Variants in UQCRB observed in about 807,000 individuals in gnomAD.
UQCRB encodes the protein cytochrome b-c1 complex subunit 7.
In UQCRB, 12 loss-of-function variants were observed where a neutral mutation model predicts 19.8. The ratio of observed to expected loss-of-function variants is 0.61; its 90% CI spans 0.39 to 0.98. The LOEUF is 0.98. Ranked by LOEUF, UQCRB falls within the 50% of genes least tolerant of loss-of-function variation. The probability of loss-of-function intolerance (pLI) is 0.00; values close to 1 mark genes in which losing one functional copy is unlikely to be tolerated. For synonymous variants in UQCRB, 39 were observed against 42.9 expected, an observed-to-expected ratio of 0.91 and a Z score of 0.35; for missense variants, 142 against 131.8, an observed-to-expected ratio of 1.08 and a Z score of -0.38.
At chr8:96,231,159 T>C (rs2129803762) in intron 3 of UQCRB, 27 bp from the exon 4 acceptor site, 1 of 1,614,112 alleles carries the variant, frequency 6.2e-7, no homozygotes, top group Non-Finnish European at 8.5e-7. Context: ...ATATTATATG[T>C]TACCATCACG....
In UQCRB at chr8:96,230,505, A is replaced by ATGAT. The variant is rs1274769148; in HGVS notation, c.*546_*549dup. 2.2e-6 allele frequency: 1 copy of ATGAT among 454,100 alleles called. No individual in the cohort carries two copies. Among genetic ancestry groups the ATGAT allele is most frequent in the Non-Finnish European group, 4.4e-6 (1 of 226,796 alleles). The allele number at this position is 454,100 out of a possible 1,614,324, so 28.1% of individuals were successfully genotyped here. On this transcript the variant is annotated 3_prime_UTR_variant, in exon 4 of 4. Coordinates refer to ENST00000287022, the MANE Select transcript of UQCRB (RefSeq NM_006294.5). Reference sequence around the variant, plus strand: ...AAAGTCACTGGGATATGGGGACAGTATGATTTGTCTTTATACTTTTATTTT... The same window carrying ATGAT: ...AAAGTCACTGGGATATGGGGACAGTATGATTGATTTGTCTTTATACTTTTATTTT...
chr8:96,231,775 T>G lies in UQCRB; in HGVS notation c.257A>C (p.Glu86Ala). The G allele has an allele frequency of 6.2e-7, 1 of 1,614,200 alleles. No homozygotes were observed. The highest frequency in any genetic ancestry group is 8.5e-7 in the Non-Finnish European group (1 of 1,180,026). Reference protein sequence around the residue: ...LPKEQWTKYEEENFYLEPYLK... With the variant: ...LPKEQWTKYEAENFYLEPYLK... ...GTCAGGTAGATAAAGCTGTGCTACC[T>G]CTTCATATTTGGTCCACTGCTCTTT... Residue 86 changes from glutamate (E) to alanine (A), a missense_variant and splice_region_variant, in exon 3 of 4, where the codon GAG becomes GCG. By Grantham distance (107) the Glu-to-Ala change is moderately radical. This residue lies in a region of UQCRB where 132 missense variants were observed against 107.5 expected (regional missense o/e 1.23). Transcript: ENST00000287022.
Position 96,225,269 on chromosome 8 carries a change from A to T in UQCRB, c.*5786T>A, listed in dbSNP as rs1809507805. On this transcript the variant is annotated 3_prime_UTR_variant, in exon 4 of 4. Coordinates refer to ENST00000287022, the MANE Select transcript of UQCRB (RefSeq NM_006294.5). ...CAAGAAATGCAAGTTTAAACAAGAAACTCTCCAACCAAATTCACAAAGATT... is the reference window on the plus strand; with the variant it reads ...CAAGAAATGCAAGTTTAAACAAGAATCTCTCCAACCAAATTCACAAAGATT... 6.6e-6 allele frequency among the ~76,000 whole-genome samples: 1 copy of T among 152,114 alleles called. No individual in the cohort carries two copies. The highest frequency in any genetic ancestry group is 2.4e-5 in the African/African-American group (1 of 41,446).
In UQCRB at chr8:96,234,656, G is replaced by A. The variant is rs117214996; in HGVS notation, c.19+856C>T. On this transcript the variant is annotated intron_variant, in intron 1 of 3. Transcript: ENST00000287022. ...GTTTCCTAACAGCTTCACAATTGCTGGGGGCGGGGAGAAAAGGATCAACAT... is the reference window on the plus strand; with the variant it reads ...GTTTCCTAACAGCTTCACAATTGCTAGGGGCGGGGAGAAAAGGATCAACAT... The A allele has an allele frequency of 6.1e-3, 2,925 of 479,768 alleles. 51 individuals carry two copies. The highest frequency in any genetic ancestry group is 0.029 in the East Asian group (417 of 14,270). 29.7% of individuals were successfully genotyped at this position (479,768 alleles called of 1,614,324 possible). A position where few individuals can be genotyped will look rare whatever the true frequency, so the allele number is the denominator to read the frequency against.
chr8:96,231,629 G>T, intron 3 of UQCRB, 145 bp downstream of exon 3: 1 of 1,383,144 alleles, frequency 7.2e-7, no homozygotes, highest in Non-Finnish European at 1.0e-6. Flanking sequence ...CTTCTAAAAC[G>T]GAAATAACAT....
At position 96,230,564 on chromosome 8, in the gene UQCRB, A is replaced by G. The variant is rs745924627; in HGVS notation, c.*491T>C. On this transcript the variant is annotated 3_prime_UTR_variant, in exon 4 of 4. Transcript: ENST00000287022. ...CTTTTTGTTTTCTAGTATACATGTT[A>G]GCACAGGAGTATGTATATTACTTAA... 2 of 454,264 alleles carry G rather than the reference A, an allele frequency of 4.4e-6. No homozygotes were observed. Among genetic ancestry groups the G allele is most frequent in the Non-Finnish European group, 8.8e-6 (2 of 226,978 alleles). The allele number at this position is 454,264 out of a possible 1,614,324, so 28.1% of individuals were successfully genotyped here.
chr8:96,229,429 T>C lies in UQCRB; in HGVS notation c.*1626A>G. On this transcript the variant is annotated 3_prime_UTR_variant, in exon 4 of 4. Coordinates refer to ENST00000287022, the MANE Select transcript of UQCRB (RefSeq NM_006294.5). ...GGCTCCCTACACACCTTGACAGTGCTCTTTGAGATGCCTCAGTTGTAGTCT... is the reference window on the plus strand; with the variant it reads ...GGCTCCCTACACACCTTGACAGTGCCCTTTGAGATGCCTCAGTTGTAGTCT... The C allele has an allele frequency of 2.2e-6, 1 of 454,114 alleles. No homozygotes were observed. The highest frequency in any genetic ancestry group is 1.6e-5 in the South Asian group (1 of 64,480). The allele number at this position is 454,114 out of a possible 1,614,324, so 28.1% of individuals were successfully genotyped here.
Position 96,227,267 on chromosome 8 carries a change from G to A in UQCRB, c.*3788C>T, listed in dbSNP as rs895757014. The stretch of plus-strand genomic sequence containing the variant: ...CATTACATCAGTATATAGCTTAGTA[G>A]TAAATTCTCCTGATGGCCATAAACC... On this transcript the variant is annotated 3_prime_UTR_variant, in exon 4 of 4. Coordinates refer to ENST00000287022, the MANE Select transcript of UQCRB (RefSeq NM_006294.5). The A allele has an allele frequency of 4.4e-6, 2 of 453,916 alleles. No individual in the cohort carries two copies. The highest frequency in any genetic ancestry group is 8.8e-6 in the Non-Finnish European group (2 of 226,768). 28.1% of individuals were successfully genotyped at this position (453,916 alleles called of 1,614,324 possible). A position where few individuals can be genotyped will look rare whatever the true frequency, so the allele number is the denominator to read the frequency against.
chr8:96,227,000 GT>G lies in UQCRB; in HGVS notation c.*4054del, dbSNP rs1438165819. On this transcript the variant is annotated 3_prime_UTR_variant, in exon 4 of 4. Transcript: ENST00000287022. ...GACCTGAGATCTCAGATTCTAACAT[GT>G]TATGGCTTTTAATATGAACGCCAGT... 2.2e-6 allele frequency: 1 copy of G among 453,986 alleles called. No homozygotes were observed. Among genetic ancestry groups the G allele is most frequent in the Non-Finnish European group, 4.4e-6 (1 of 226,766 alleles). The allele number at this position is 453,986 out of a possible 1,614,324, so 28.1% of individuals were successfully genotyped here.
chr8:96,229,120 T>C lies in UQCRB; in HGVS notation c.*1935A>G, dbSNP rs114283222. ...CATTGATCTAGTGTTCAAAGAACTT[T>C]TGCACACTTGTTCTCATTTAGAAGA... On this transcript the variant is annotated 3_prime_UTR_variant, in exon 4 of 4. Coordinates refer to ENST00000287022, the MANE Select transcript of UQCRB (RefSeq NM_006294.5). 2,483 of 454,070 alleles carry C rather than the reference T, an allele frequency of 5.5e-3. 53 individuals are homozygous for C. Among genetic ancestry groups the C allele is most frequent in the African/African-American group, 0.045 (2,273 of 50,118 alleles). The allele number at this position is 454,070 out of a possible 1,614,324, so 28.1% of individuals were successfully genotyped here.
At chr8:96,235,340 G>C (rs1215659258) in intron 1 of UQCRB, 172 bp downstream of exon 1, 7 of 992,314 alleles carry the variant, frequency 7.1e-6, no homozygotes, top group Non-Finnish European at 1.1e-5. Context: ...AGCCCGCCCT[G>C]GGGACAGCAA....
chr8:96,223,737 TG>T lies in UQCRB; in HGVS notation c.*7317del, dbSNP rs1324496681. Among the ~76,000 whole-genome samples the T allele has an allele frequency of 1.3e-5, 2 of 152,288 alleles. No individual in the cohort carries two copies. The highest frequency in any genetic ancestry group is 3.9e-4 in the East Asian group (2 of 5,186). On this transcript the variant is annotated 3_prime_UTR_variant, in exon 4 of 4. Transcript: ENST00000287022. The stretch of plus-strand genomic sequence containing the variant: ...GAGGTAGAATTTTGCAGAATGTGTT[TG>T]GGGAAGAGGGAGTTAAAACAGGAGG...
intron 2 of UQCRB, 154 bp from the exon 3 acceptor site, chr8:96,232,094 C>T (rs1330703511): frequency 4.1e-6 from 3 of 733,130 alleles, no homozygotes; most frequent in African/African-American, 3.5e-5. Flanking sequence ...GCATTTCATA[C>T]ATTATAGGTT....
Position 96,224,651 on chromosome 8 carries a change from C to T in UQCRB, c.*6404G>A, listed in dbSNP as rs754760126. 1.6e-4 allele frequency among the ~76,000 whole-genome samples: 25 copies of T among 152,190 alleles called. No individual in the cohort carries two copies. The highest frequency in any genetic ancestry group is 2.6e-4 in the Non-Finnish European group (18 of 68,040). ...TCTCTCTTTTACCCTTCCTCACATCCACCTCTTACACATCTAACTGATATC... is the reference window on the plus strand; with the variant it reads ...TCTCTCTTTTACCCTTCCTCACATCTACCTCTTACACATCTAACTGATATC... On this transcript the variant is annotated 3_prime_UTR_variant, in exon 4 of 4. Coordinates refer to ENST00000287022, the MANE Select transcript of UQCRB (RefSeq NM_006294.5).
Position 96,233,176 on chromosome 8 carries a change from G to A in UQCRB, c.71C>T (p.Ala24Val). 6.2e-7 allele frequency: 1 copy of A among 1,612,984 alleles called. No individual in the cohort carries two copies. The highest frequency in any genetic ancestry group is 1.1e-5 in the South Asian group (1 of 91,058). The stretch of plus-strand genomic sequence containing the variant: ...CTTACCCAGTTTATTGAATCCTGCA[G>A]CATTGTAATACCATTTTCGAATACC... ...LDGIRKWYYN[A>V]AGFNKLGLMR... The change falls in exon 2 of 4, where the codon GCT becomes GTT. Residue 24 changes from alanine (A) to valine (V), a missense_variant. Coordinates refer to ENST00000287022, the MANE Select transcript of UQCRB (RefSeq NM_006294.5).
rs757827287 is a variant in UQCRB at position 96,231,914 on chromosome 8, C to T, written c.118G>A (p.Glu40Lys). 17 of 1,613,494 alleles carry T rather than the reference C, an allele frequency of 1.1e-5. No individual in the cohort carries two copies. In the South Asian group the frequency reaches 1.4e-4, roughly 14 times the overall value. The change falls in exon 3 of 4, where the codon GAG (glutamate) becomes AAG (lysine). Residue 40 changes from glutamate to lysine, a missense_variant. Transcript: ENST00000287022. ...ATGGCTTCTTTTACATCTTCATCCT[C>T]GTATATTGTATCATCTCGCATTAAC... ...LGLMRDDTIY[E>K]DEDVKEAIRR...
In UQCRB at chr8:96,226,454, T is replaced by TAAAG. The variant is rs1447951638; in HGVS notation, c.*4600_*4601insCTTT. 1.0e-4 allele frequency: 17 copies of TAAAG among 170,132 alleles called. No homozygotes were observed. Among genetic ancestry groups the TAAAG allele is most frequent in the African/African-American group, 3.9e-4 (16 of 41,538 alleles). 10.5% of individuals were successfully genotyped at this position (170,132 alleles called of 1,614,324 possible). A position where few individuals can be genotyped will look rare whatever the true frequency, so the allele number is the denominator to read the frequency against. On this transcript the variant is annotated 3_prime_UTR_variant, in exon 4 of 4. Coordinates refer to ENST00000287022, the MANE Select transcript of UQCRB (RefSeq NM_006294.5). ...TTTTCTAGCTGAGGAAGCCAATCTT[T>TAAAG]AGACTAATGACTTGCCTAAATCATT...
At position 96,232,058 on chromosome 8, in the gene UQCRB, A is replaced by G. The variant is rs147795609; in HGVS notation, c.92-118T>C. The G allele has an allele frequency of 6.2e-5, 58 of 938,506 alleles. No homozygotes were observed. In the African/African-American group the frequency reaches 8.7e-4, roughly 14 times the overall value. 58.1% of individuals were successfully genotyped at this position (938,506 alleles called of 1,614,324 possible). On this transcript the variant is annotated intron_variant, in intron 2 of 3. Coordinates refer to ENST00000287022, the MANE Select transcript of UQCRB (RefSeq NM_006294.5). ...ACTTTTGGTGAACTATCGAATTCAA[A>G]TCACTAGGTTCAATGGAAATTCAAT...
chr8:96,230,512 G>A lies in UQCRB; in HGVS notation c.*543C>T, dbSNP rs1208932955. The A allele has an allele frequency of 6.6e-6, 3 of 453,852 alleles. No homozygotes were observed. Among genetic ancestry groups the A allele is most frequent in the African/African-American group, 2.0e-5 (1 of 50,064 alleles). 28.1% of individuals were successfully genotyped at this position (453,852 alleles called of 1,614,324 possible). A position where few individuals can be genotyped will look rare whatever the true frequency, so the allele number is the denominator to read the frequency against. On this transcript the variant is annotated 3_prime_UTR_variant, in exon 4 of 4. Coordinates refer to ENST00000287022, the MANE Select transcript of UQCRB (RefSeq NM_006294.5). ...CTGGGATATGGGGACAGTATGATTTGTCTTTATACTTTTATTTTTCTAACA... is the reference window on the plus strand; with the variant it reads ...CTGGGATATGGGGACAGTATGATTTATCTTTATACTTTTATTTTTCTAACA...
Sources: allele counts gnomAD v4.1 joint callset (sites outside exome capture counted in the v4.1 genomes callset), GRCh38; gene constraint gnomAD v4.1.1; regional missense constraint gnomAD v4.1.1; transcripts MANE v1.5; gene names NCBI Gene and HGNC (gene_info 2026-07-23, HGNC 2026-07-21).